The following NECAP2 variants were observed in gnomAD, a reference collection of about 807,000 sequenced individuals.
NECAP2 encodes adaptin ear-binding coat-associated protein 2.
In NECAP2, 38 loss-of-function variants were observed where a neutral mutation model predicts 37.8. The observed-to-expected ratio is 1.01, with a 90% CI of 0.78 to 1.32. The LOEUF (loss-of-function observed/expected upper bound fraction) is 1.32, where lower values mean the gene tolerates loss of function less well. Ranked by LOEUF, NECAP2 falls within the 40% of genes most tolerant of loss-of-function variation. The probability of loss-of-function intolerance (pLI) is 0.00; values close to 1 mark genes in which losing one functional copy is unlikely to be tolerated. For synonymous variants in NECAP2, 121 were observed against 127.7 expected, an observed-to-expected ratio of 0.95 and a Z score of 0.35; for missense variants, 316 against 334.5, an observed-to-expected ratio of 0.94 and a Z score of 0.43.
chr1:16,452,147 C>T (rs980479730), intron 6 of NECAP2, 132 bp downstream of exon 6: 53 of 958,400 alleles, frequency 5.5e-5, no homozygotes, highest in African/African-American at 1.0e-4. Flanking sequence ...TCAAAGAAGG[C>T]GGGCACCCAA....
intron 5 of NECAP2, chr1:16,450,004 T>G (rs2086818064): frequency 6.1e-6 from 2 of 326,382 alleles, no homozygotes; most frequent in African/African-American, 4.4e-5. Context: ...CTAGGAATAC[T>G]GTGTTGAGAT....
In NECAP2 at chr1:16,451,873, C is replaced by T. The variant is rs768801867; in HGVS notation, c.525C>T (p.Pro175=). 3 of 1,614,134 alleles carry T rather than the reference C, an allele frequency of 1.9e-6. No homozygotes were observed. The highest frequency in any genetic ancestry group is 1.1e-5 in the South Asian group (1 of 91,092). The change falls in exon 6 of 8, where the codon CCC becomes CCT. Residue 175 remains proline (P), a synonymous_variant. Transcript: ENST00000337132. ...AGAAGGAAGGAGCAGCTGGGAATCC[C>T]CGAGTCCGGCCTGCCAGCACAGGAG... The part of the protein sequence containing the change: ...MKKKEGAAGN[P]RVRPASTGGL...
chr1:16,456,025 T>A, intron 7 of NECAP2, 132 bp downstream of exon 7: 2 of 121,668 alleles, frequency 1.6e-5, no homozygotes, highest in Non-Finnish European at 3.6e-5. Flanking sequence ...TTTTCTTTTC[T>A]TTTTTTTTTT....
chr1:16,445,355 G>GT (rs1357279546), intron 2 of NECAP2, among the ~76,000 whole-genome samples: 1 of 152,230 alleles, frequency 6.6e-6, no homozygotes, highest in East Asian at 1.9e-4. Flanking sequence ...GTGGAGCCCA[G>GT]TGAGGACATT....
chr1:16,452,025 C>T lies in NECAP2; in HGVS notation c.667+10C>T, dbSNP rs1184088251. ...GTTGCTCCCAGTTCAGGTTAGTGCT[C>T]AGTGGGTGACTGCTGCATCAGTACC... On this transcript the variant is annotated intron_variant, in intron 6 of 7. Coordinates refer to ENST00000337132, the MANE Select transcript of NECAP2 (RefSeq NM_018090.5). 3 of 1,554,720 alleles carry T rather than the reference C, an allele frequency of 1.9e-6. No homozygotes were observed. Among genetic ancestry groups the T allele is most frequent in the Non-Finnish European group, 2.6e-6 (3 of 1,152,124 alleles).
In NECAP2 at chr1:16,449,596, G is replaced by A. The variant is rs535819556; in HGVS notation, c.489+395G>A. On this transcript the variant is annotated intron_variant, in intron 5 of 7. Coordinates refer to ENST00000337132, the MANE Select transcript of NECAP2 (RefSeq NM_018090.5). Reference sequence around the variant, plus strand: ...GAGGAACAGCAGGTGCAAAGCCTCTGAACTGAGAAGGAGCATCAGTCATTT... The same window carrying A: ...GAGGAACAGCAGGTGCAAAGCCTCTAAACTGAGAAGGAGCATCAGTCATTT... The A allele has an allele frequency of 8.6e-4, 166 of 193,170 alleles. 1 individual carries two copies. Among genetic ancestry groups the A allele is most frequent in the African/African-American group, 3.8e-3 (161 of 42,558 alleles). The allele number at this position is 193,170 out of a possible 1,614,324, so 12.0% of individuals were successfully genotyped here. A position where few individuals can be genotyped will look rare whatever the true frequency, so the allele number is the denominator to read the frequency against.
chr1:16,458,931 C>T lies in NECAP2; in HGVS notation c.*41C>T. 1 of 1,614,106 alleles carries T rather than the reference C, an allele frequency of 6.2e-7. No individual in the cohort carries two copies. The highest frequency in any genetic ancestry group is 8.5e-7 in the Non-Finnish European group (1 of 1,180,010). ...TCCTCATGTGACTTCTGGGAAGGCG[C>T]TCCCTCATCTGGGCCAAAGGAAGGA... On this transcript the variant is annotated 3_prime_UTR_variant, in exon 8 of 8. Coordinates refer to ENST00000337132, the MANE Select transcript of NECAP2 (RefSeq NM_018090.5).
chr1:16,448,710 C>T (rs927892036), intron 4 of NECAP2, among the ~76,000 whole-genome samples: 1 of 152,126 alleles, frequency 6.6e-6, no homozygotes, highest in African/African-American at 2.4e-5. Context: ...CCCCGTCTGC[C>T]TTCTGAGTGT....
chr1:16,455,249 G>A (rs556357737), intron 6 of NECAP2, among the ~76,000 whole-genome samples: 3 of 152,300 alleles, frequency 2.0e-5, no homozygotes, highest in South Asian at 2.1e-4. Flanking sequence ...CCATGGCGTC[G>A]CCTACCTTGG....
intron 7 of NECAP2, 64 bp downstream of exon 7, chr1:16,455,957 T>C (rs2086911718): frequency 2.6e-6 from 3 of 1,160,982 alleles, no homozygotes; most frequent in South Asian, 1.2e-5. Context: ...AACCTGGTAT[T>C]GTTCCACATG....
In NECAP2 at chr1:16,449,154, C is replaced by G; in HGVS notation, c.442C>G (p.Leu148Val). 6.2e-7 allele frequency: 1 copy of G among 1,613,480 alleles called. No homozygotes were observed. The highest frequency in any genetic ancestry group is 8.5e-7 in the Non-Finnish European group (1 of 1,179,718). The change falls in exon 5 of 8, where the codon CTG (leucine) becomes GTG (valine). Residue 148 changes from leucine to valine, a missense_variant. Physicochemically the swap from Leu to Val is conservative, Grantham distance 32. This residue lies in a region of NECAP2 where 204 missense variants were observed against 188.6 expected (regional missense o/e 1.08). Coordinates refer to ENST00000337132, the MANE Select transcript of NECAP2 (RefSeq NM_018090.5). ...QAQNPDQGPK[L>V]DLGFKEGQTI... is the part of the protein sequence containing the mutation. ...CCAGAACCCAGACCAAGGCCCTAAA[C>G]TGGACCTGGGCTTCAAGGAGGGCCA...
At chr1:16,452,346 G>A (rs372295745) in intron 6 of NECAP2, among the ~76,000 whole-genome samples, 2 of 152,292 alleles carry the variant, frequency 1.3e-5, no homozygotes, top group South Asian at 2.1e-4. Context: ...CTCTGCTCAC[G>A]TGTAGTGAGA....
intron 7 of NECAP2, 30 bp downstream of exon 7, chr1:16,455,923 T>C (rs376206925): frequency 4.1e-5 from 64 of 1,574,318 alleles, no homozygotes; most frequent in Non-Finnish European, 5.2e-5. Flanking sequence ...GCGGAGGGGC[T>C]GGGGCCAGGG....
intron 5 of NECAP2, 101 bp downstream of exon 5, chr1:16,449,302 G>T: frequency 1.4e-6 from 1 of 739,442 alleles, no homozygotes; most frequent in Non-Finnish European, 2.3e-6. Flanking sequence ...CAGTTCAGCA[G>T]ATGTTTAGTG....
At chr1:16,441,031 T>TTG (rs2086683361) in intron 1 of NECAP2, 178 bp downstream of exon 1, 2 of 588,700 alleles carry the variant, frequency 3.4e-6, no homozygotes, top group Admixed American at 2.7e-5. Flanking sequence ...GTTTCGCCCG[T>TTG]CTCAGTTCGA....
chr1:16,450,125 T>G, intron 5 of NECAP2: 1 of 446,994 alleles, frequency 2.2e-6, no homozygotes, highest in Non-Finnish European at 4.5e-6. Context: ...ATCCTTGAAG[T>G]TGGCCAGCTG....
In NECAP2 at chr1:16,459,121, C is replaced by G; in HGVS notation, c.*231C>G. On this transcript the variant is annotated 3_prime_UTR_variant, in exon 8 of 8. Transcript: ENST00000337132. ...ACCAGAACACAGGAGAAGAAAAGCT[C>G]CAGGATCCCTGTCCCCATCTGTCCT... The G allele has an allele frequency of 1.1e-6, 1 of 926,742 alleles. No individual in the cohort carries two copies. The allele number at this position is 926,742 out of a possible 1,614,324, so 57.4% of individuals were successfully genotyped here. A position where few individuals can be genotyped will look rare whatever the true frequency, so the allele number is the denominator to read the frequency against.
intron 2 of NECAP2, 38 bp from the exon 3 acceptor site, chr1:16,447,832 G>C (rs757496014): frequency 6.4e-7 from 1 of 1,563,826 alleles, no homozygotes; most frequent in Non-Finnish European, 8.8e-7. Context: ...CTGGAAGGGG[G>C]CTCAGGGCTC....
At chr1:16,458,693 C>T in intron 7 of NECAP2, 149 bp from the exon 8 acceptor site, 1 of 702,228 alleles carries the variant, frequency 1.4e-6, no homozygotes, top group East Asian at 2.9e-5. Context: ...CAGATTTGGT[C>T]TCTGTGCCAG....
Sources: gnomAD v4.1 joint callset for allele counts (sites outside exome capture counted in the v4.1 genomes callset) on GRCh38, gnomAD v4.1.1 for gene constraint, gnomAD v4.1.1 regional missense constraint, MANE v1.5 for transcripts, NCBI Gene and HGNC (gene_info 2026-07-23, HGNC 2026-07-21) for gene names.